Variants in FBXL17 observed in about 807,000 individuals in gnomAD.
FBXL17 encodes the protein F-box/LRR-repeat protein 17.
FBXL17 carries 22 observed loss-of-function variants against 66.2 expected under a neutral mutation model. That is an observed-to-expected ratio of 0.33 (90% confidence interval 0.24 to 0.47). The LOEUF is 0.47. Ranked by LOEUF, FBXL17 falls within the 20% of genes least tolerant of loss-of-function variation. The probability of loss-of-function intolerance (pLI) is 1.00; values close to 1 mark genes in which losing one functional copy is unlikely to be tolerated. For missense variants in FBXL17, 878 were observed against 948.2 expected (o/e 0.93, Z 0.97); for synonymous variants, 474 against 400.5 (o/e 1.18, Z -2.19).
intron 7 of FBXL17, among the ~76,000 whole-genome samples, chr5:107,977,862 G>C (rs1752642237): frequency 6.6e-6 from 1 of 152,202 alleles, no homozygotes; most frequent in Non-Finnish European, 1.5e-5. Flanking sequence ...CGTGGTTAAA[G>C]GAGGGGCTGG....
intron 6 of FBXL17, among the ~76,000 whole-genome samples, chr5:108,062,154 G>A (rs1009750585): frequency 2.6e-5 from 4 of 151,962 alleles, no homozygotes; most frequent in East Asian, 1.9e-4. Context: ...GTTTAATTTC[G>A]TATGCTTTCC....
chr5:107,863,607 T>C (rs564732991), intron 8 of FBXL17, among the ~76,000 whole-genome samples: 2 of 141,970 alleles, frequency 1.4e-5, no homozygotes, highest in South Asian at 4.3e-4. Flanking sequence ...AAGTTTATGA[T>C]TGCTTAGTTT....
chr5:108,001,611 C>T (rs1753733972), intron 7 of FBXL17, among the ~76,000 whole-genome samples: 1 of 152,028 alleles, frequency 6.6e-6, no homozygotes, highest in African/African-American at 2.4e-5. Context: ...AGCCATTCTC[C>T]TGCCTCAGCC....
chr5:108,215,534 T>C (rs1490037661), intron 5 of FBXL17, among the ~76,000 whole-genome samples: 2 of 152,134 alleles, frequency 1.3e-5, no homozygotes, highest in Non-Finnish European at 2.9e-5. Flanking sequence ...GAAATATCTA[T>C]TCAAGTCTTT....
chr5:108,356,705 T>C (rs985314353), intron 3 of FBXL17, among the ~76,000 whole-genome samples: 5 of 152,054 alleles, frequency 3.3e-5, no homozygotes, highest in African/African-American at 9.7e-5. Context: ...AGAGGATTTT[T>C]AGAGCAGTGA....
chr5:107,980,230 T>C (rs947170838), intron 7 of FBXL17, among the ~76,000 whole-genome samples: 2 of 152,074 alleles, frequency 1.3e-5, no homozygotes, highest in Non-Finnish European at 2.9e-5. Context: ...GTGAAAATCT[T>C]ATTATGAACA....
intron 6 of FBXL17, among the ~76,000 whole-genome samples, chr5:108,057,832 C>T (rs1747767738): frequency 6.6e-6 from 1 of 152,066 alleles, no homozygotes; most frequent in Non-Finnish European, 1.5e-5. Flanking sequence ...ATAATTTTAC[C>T]ACTACTAAGA....
intron 5 of FBXL17, among the ~76,000 whole-genome samples, chr5:108,201,353 A>C (rs1580604163): frequency 6.6e-6 from 1 of 152,264 alleles, no homozygotes; most frequent in Admixed American, 6.5e-5. Context: ...TGAATAAACA[A>C]TATGTATAGA....
intron 4 of FBXL17, among the ~76,000 whole-genome samples, chr5:108,229,269 C>A (rs1201556545): frequency 2.0e-5 from 3 of 151,776 alleles, no homozygotes; most frequent in African/African-American, 7.3e-5. Context: ...AAGCAAAAAA[C>A]AAAAACAAAA....
chr5:108,131,639 A>G (rs1357062389), intron 6 of FBXL17, among the ~76,000 whole-genome samples: 1 of 152,174 alleles, frequency 6.6e-6, no homozygotes, highest in East Asian at 1.9e-4. Context: ...TCATCAAAAC[A>G]CAAATTTTTG....
intron 3 of FBXL17, among the ~76,000 whole-genome samples, chr5:108,350,381 C>T (rs1045586747): frequency 1.3e-5 from 2 of 152,114 alleles, no homozygotes; most frequent in African/African-American, 2.4e-5. Flanking sequence ...AACCAAAGCA[C>T]AATGCTGAAA....
chr5:108,179,006 T>C (rs1025584810), intron 6 of FBXL17, among the ~76,000 whole-genome samples: 1 of 152,216 alleles, frequency 6.6e-6, no homozygotes, highest in East Asian at 1.9e-4. Context: ...AATTAAGTAA[T>C]ATTAGGGGAT....
At chr5:108,375,986 C>T (rs970269899) in intron 1 of FBXL17, among the ~76,000 whole-genome samples, 1 of 152,174 alleles carries the variant, frequency 6.6e-6, no homozygotes, top group Non-Finnish European at 1.5e-5. Context: ...CCATGTAACA[C>T]ACCATATTAA....
chr5:108,147,523 T>C (rs1751605891), intron 6 of FBXL17, among the ~76,000 whole-genome samples: 1 of 151,710 alleles, frequency 6.6e-6, no homozygotes, highest in African/African-American at 2.4e-5. Context: ...CTGTCTGAAA[T>C]AAAAAAATAA....
intron 7 of FBXL17, among the ~76,000 whole-genome samples, chr5:107,985,218 G>C (rs77824988): frequency 0.016 from 2,451 of 152,316 alleles, 65 homozygotes; most frequent in African/African-American, 0.055. Flanking sequence ...AAAGATGACA[G>C]ATAAACTCCT....
chr5:108,132,987 AAG>A (rs2149978273), intron 6 of FBXL17, among the ~76,000 whole-genome samples: 1 of 152,324 alleles, frequency 6.6e-6, no homozygotes, highest in Admixed American at 6.5e-5. Flanking sequence ...AGGGCCTTCA[AAG>A]AGAGAAATGG....
At chr5:108,133,722 C>CA (rs1170145268) in intron 6 of FBXL17, among the ~76,000 whole-genome samples, 3 of 151,992 alleles carry the variant, frequency 2.0e-5, no homozygotes, top group South Asian at 4.1e-4. Context: ...GAAGAAAAGA[C>CA]AAAAAAATGT....
chr5:107,910,198 A>G (rs879903367), intron 7 of FBXL17, among the ~76,000 whole-genome samples: 2 of 152,124 alleles, frequency 1.3e-5, no homozygotes, highest in Non-Finnish European at 2.9e-5. Context: ...GCAATTCAAG[A>G]AAAGGAAGAA....
At chr5:108,154,616 T>C (rs200335793) in intron 6 of FBXL17, among the ~76,000 whole-genome samples, 1,488 of 96,202 alleles carry the variant, frequency 0.015, 56 homozygotes, top group African/African-American at 0.063. Flanking sequence ...AATATATATA[T>C]ACACACACAC....
Sources: allele counts gnomAD v4.1 joint callset (sites outside exome capture counted in the v4.1 genomes callset), GRCh38; gene constraint gnomAD v4.1.1; transcripts MANE v1.5; gene names NCBI Gene and HGNC (gene_info 2026-07-23, HGNC 2026-07-21).